Variants in TCF20 observed in about 807,000 individuals in gnomAD.
The protein encoded by TCF20 is transcription factor 20, also known as SPRE-binding protein.
Under a neutral mutation model 148.6 loss-of-function variants are expected in TCF20, and 3 were observed. The ratio of observed to expected loss-of-function variants is 0.02; its 90% confidence interval spans 0.01 to 0.05. The LOEUF (loss-of-function observed/expected upper bound fraction) is 0.05. Ranked by LOEUF, TCF20 falls within the 10% of genes least tolerant of loss-of-function variation. TCF20 has a pLI of 1.00. For synonymous variants in TCF20, 1,049 were observed against 909.5 expected (o/e 1.15, Z -2.76); for missense variants, 2,350 against 2,429.3 (o/e 0.97, Z 0.69).
At chr22:42,336,879 G>T (rs1928076926) in intron 1 of TCF20, among the ~76,000 whole-genome samples, 1 of 152,130 alleles carries the variant, frequency 6.6e-6, no homozygotes, top group African/African-American at 2.4e-5. Context: ...CTGGCCAGCG[G>T]TATCCACATG....
chr22:42,307,574 C>A (rs532007476), intron 1 of TCF20, among the ~76,000 whole-genome samples: 1 of 152,378 alleles, frequency 6.6e-6, no homozygotes, highest in Non-Finnish European at 1.5e-5. Flanking sequence ...TTCTGAAGCA[C>A]TAAACTTGAC....
chr22:42,293,099 C>T (rs1927162835), intron 1 of TCF20, among the ~76,000 whole-genome samples: 1 of 152,090 alleles, frequency 6.6e-6, no homozygotes, highest in Non-Finnish European at 1.5e-5. Context: ...CAGGAGGAGG[C>T]CAAGTGTCCT....
intron 2 of TCF20, among the ~76,000 whole-genome samples, chr22:42,208,869 C>A (rs1284625876): frequency 6.6e-6 from 1 of 152,188 alleles, no homozygotes; most frequent in African/African-American, 2.4e-5. Flanking sequence ...CATAAGATCT[C>A]ATAGAGTAGC....
At chr22:42,336,896 C>T (rs1341572933) in intron 1 of TCF20, among the ~76,000 whole-genome samples, 1 of 152,188 alleles carries the variant, frequency 6.6e-6, no homozygotes, top group African/African-American at 2.4e-5. Context: ...CATGTGCACC[C>T]CACCCTGATC....
At chr22:42,262,472 A>G (rs953665165) in intron 1 of TCF20, among the ~76,000 whole-genome samples, 4 of 152,122 alleles carry the variant, frequency 2.6e-5, no homozygotes, top group African/African-American at 7.2e-5. Context: ...TTTGTGAGGA[A>G]TAAGTGTTCA....
At chr22:42,262,580 G>A (rs1025367362) in intron 1 of TCF20, among the ~76,000 whole-genome samples, 1 of 152,124 alleles carries the variant, frequency 6.6e-6, no homozygotes, top group Non-Finnish European at 1.5e-5. Flanking sequence ...AGATGTGAAT[G>A]TGGGGATCAT....
chr22:42,269,472 A>G (rs1206536024), intron 1 of TCF20, among the ~76,000 whole-genome samples: 1 of 152,100 alleles, frequency 6.6e-6, no homozygotes, highest in Non-Finnish European at 1.5e-5. Flanking sequence ...ACCGCCCCCC[A>G]ACTCACTAAA....
rs1437392471 is a variant in TCF20, at chr22:42,167,415, C to T, written c.*44+1194G>A. On this transcript the variant is annotated intron_variant, in intron 5 of 5. Coordinates refer to ENST00000677622, the MANE Select transcript of TCF20 (RefSeq NM_001378418.1). ...GCTGTGTGAGTCAAACTCCTGAGGTCGACACAGAAGTCCTCCCATTTGAGA... is the reference window on the plus strand; with the variant it reads ...GCTGTGTGAGTCAAACTCCTGAGGTTGACACAGAAGTCCTCCCATTTGAGA... 3.9e-5 allele frequency among the ~76,000 whole-genome samples: 6 copies of T among 152,168 alleles called. No homozygotes were observed. In the East Asian group the frequency reaches 1.2e-3, roughly 29 times the overall value.
At chr22:42,179,893 A>T (rs1936688416) in intron 2 of TCF20, among the ~76,000 whole-genome samples, 191 bp from the exon 3 acceptor site, 1 of 152,186 alleles carries the variant, frequency 6.6e-6, no homozygotes. Context: ...TCCAGCAATA[A>T]TGTTTTAGAC....
At chr22:42,308,542 G>A (rs558073529) in intron 1 of TCF20, among the ~76,000 whole-genome samples, 21 of 152,222 alleles carry the variant, frequency 1.4e-4, no homozygotes, top group Middle Eastern at 3.4e-3. Context: ...GTGAAGCCAC[G>A]AATCCAACCC....
chr22:42,212,654 T>A lies in TCF20; in HGVS notation c.2652A>T (p.Ser884=), dbSNP rs1433510239. 4 of 1,614,122 alleles carry A rather than the reference T, an allele frequency of 2.5e-6. No individual in the cohort carries two copies. Among genetic ancestry groups the A allele is most frequent in the South Asian group, 1.1e-5 (1 of 91,088 alleles). ...TGGTGTCGGCACTCATGTGTCCCAGTGAGTGAGCCCCTGGGTCCCTGACAA... is the reference window on the plus strand; with the variant it reads ...TGGTGTCGGCACTCATGTGTCCCAGAGAGTGAGCCCCTGGGTCCCTGACAA... The part of the protein sequence containing the change: ...RQIVRDPGAH[S]LGHMSADTRI... Residue 884 remains serine (S), a synonymous_variant, in exon 2 of 6, where the codon TCA becomes TCT. Coordinates refer to ENST00000677622, the MANE Select transcript of TCF20 (RefSeq NM_001378418.1).
intron 1 of TCF20, among the ~76,000 whole-genome samples, chr22:42,225,285 G>A (rs1021881937): frequency 1.3e-5 from 2 of 152,088 alleles, no homozygotes; most frequent in African/African-American, 4.8e-5. Flanking sequence ...GTGAGCCACA[G>A]TGCTCAGCCA....
rs2147046952 is a variant in TCF20 at position 42,317,551 on chromosome 22, T to C, written c.-37+25928A>G. ...ACATGGGCAAAGAAAAATACCCCCATCTCACCAAGGTGGAAACTGAGGCTC... is the reference window on the plus strand; with the variant it reads ...ACATGGGCAAAGAAAAATACCCCCACCTCACCAAGGTGGAAACTGAGGCTC... On this transcript the variant is annotated intron_variant, in intron 1 of 1. Transcript: ENST00000515426. This position sits in a 1 kb window ranked among gnomAD's most constrained non-coding sequence, Gnocchi z 4.2. Among the ~76,000 whole-genome samples, 1 of 152,078 alleles carries C rather than the reference T, an allele frequency of 6.6e-6. No individual in the cohort carries two copies. The highest frequency in any genetic ancestry group is 2.1e-4 in the South Asian group (1 of 4,832).
Position 42,214,928 on chromosome 22 carries a change from A to G in TCF20, c.378T>C (p.Phe126=). ...QSYGPPQGSS[F]GNQYGSEGHV... Reference sequence around the variant, plus strand: ...GACCCTCACTCCCATACTGATTGCCAAAGCTGCTCCCCTGGGGGGGTCCAT... The same window carrying G: ...GACCCTCACTCCCATACTGATTGCCGAAGCTGCTCCCCTGGGGGGGTCCAT... The change falls in exon 2 of 6, where the codon TTT becomes TTC. Residue 126 remains phenylalanine, a synonymous_variant. Coordinates refer to ENST00000677622, the MANE Select transcript of TCF20 (RefSeq NM_001378418.1). 6.2e-7 allele frequency: 1 copy of G among 1,614,200 alleles called. No individual in the cohort carries two copies. Among genetic ancestry groups the G allele is most frequent in the South Asian group, 1.1e-5 (1 of 91,086 alleles).
chr22:42,211,719 G>A lies in TCF20; in HGVS notation c.3587C>T (p.Ser1196Phe). Residue 1196 changes from serine (S) to phenylalanine (F), a missense_variant, in exon 2 of 6, where the codon TCT becomes TTT. Transcript: ENST00000677622. ...ESCWDLSRQT[S>F]PAKSSGPPGM... ...TGGAGGACCGCTGCTTTTGGCTGGA[G>A]AAGTTTGCCGAGAAAGATCCCAACA... 8 of 1,614,184 alleles carry A rather than the reference G, an allele frequency of 5.0e-6. No homozygotes were observed. Among genetic ancestry groups the A allele is most frequent in the Non-Finnish European group, 6.8e-6 (8 of 1,180,026 alleles).
rs1555959720 is a variant in TCF20, at chr22:42,324,119, T to TGGTGATGGA, written c.-37+19359_-37+19360insTCCATCACC. Among the ~76,000 whole-genome samples, 2 of 1,118 alleles carry TGGTGATGGA rather than the reference T, an allele frequency of 1.8e-3. 1 individual carries two copies. The highest frequency in any genetic ancestry group is 4.4e-3 in the African/African-American group (2 of 456). 0.7% of individuals were successfully genotyped at this position (1,118 alleles called of 152,430 possible). ...GAGGTTATGGTGGTGGTGGTGGTGG[T>TGGTGATGGA]GGTTATGGTGGTGGTGGTGGTGGTG... On this transcript the variant is annotated intron_variant, in intron 1 of 1. Coordinates refer to the TCF20 transcript ENST00000515426.
intron 2 of TCF20, among the ~76,000 whole-genome samples, chr22:42,181,196 T>G (rs964137420): frequency 1.3e-5 from 2 of 152,170 alleles, no homozygotes; most frequent in African/African-American, 4.8e-5. Context: ...GCCACTTTCT[T>G]TTTTTGAGAT....
chr22:42,246,834 C>T (rs1013986645), intron 1 of TCF20, among the ~76,000 whole-genome samples: 3 of 151,678 alleles, frequency 2.0e-5, no homozygotes, highest in South Asian at 4.2e-4. Context: ...GGCGTGGTGG[C>T]GGGTGCCTGT....
chr22:42,224,005 C>T lies in TCF20; in HGVS notation c.-36-8664G>A, dbSNP rs1020278403. ...AAGAGTCTGAAAGCAACTCAGAATT[C>T]GCAAGTCAGTTCCTTGTCTAGAAGG... On this transcript the variant is annotated intron_variant, in intron 1 of 5. Coordinates refer to ENST00000677622, the MANE Select transcript of TCF20 (RefSeq NM_001378418.1). Among the ~76,000 whole-genome samples, 6 of 152,064 alleles carry T rather than the reference C, an allele frequency of 3.9e-5. No individual in the cohort carries two copies. The East Asian group carries it at 5.8e-4, about 15-fold the overall frequency.
Sources: gnomAD v4.1 joint callset for allele counts (sites outside exome capture counted in the v4.1 genomes callset) on GRCh38, gnomAD v4.1.1 for gene constraint, Gnocchi (gnomAD v3.1) non-coding constraint, MANE v1.5 for transcripts, NCBI Gene and HGNC (gene_info 2026-07-23, HGNC 2026-07-21) for gene names.